TES: variants seen among roughly 807,000 people sequenced by gnomAD.
TES encodes the protein testin.
A neutral mutation model predicts 48.2 loss-of-function variants in TES; 41 were observed. That is an observed-to-expected ratio of 0.85 (90% CI 0.66 to 1.10). The LOEUF is 1.10. Ranked by LOEUF, TES falls within the 50% of genes least tolerant of loss-of-function variation. The pLI, the probability that TES is intolerant of heterozygous loss-of-function variation, is 0.00. For missense variants in TES, 463 were observed against 515.1 expected, an observed-to-expected ratio of 0.90 and a Z score of 0.98; for synonymous variants, 162 against 174.9, an observed-to-expected ratio of 0.93 and a Z score of 0.58.
chr7:116,257,202 A>G, intron 6 of TES, 92 bp from the exon 7 acceptor site: 1 of 1,354,712 alleles, frequency 7.4e-7, no homozygotes, highest in South Asian at 1.5e-5. Flanking sequence ...TATGAGTTTT[A>G]ATTTATCATC....
chr7:116,215,806 C>T (rs997292494), intron 1 of TES, among the ~76,000 whole-genome samples: 5 of 152,166 alleles, frequency 3.3e-5, no homozygotes, highest in Non-Finnish European at 7.3e-5. Context: ...TAGGCTAAAC[C>T]TCTTTTCCCT....
In TES at chr7:116,250,602, A is replaced by T. The variant is rs576947920; in HGVS notation, c.702+106A>T. On this transcript the variant is annotated intron_variant, in intron 4 of 6. Transcript: ENST00000358204. ...CTATTCCTCTGAGTTTCCAAAAGGG[A>T]ATAAGTATGGGGAATAAATAGGATT... 75 of 831,952 alleles carry T rather than the reference A, an allele frequency of 9.0e-5. 1 individual carries two copies. In the South Asian group the frequency reaches 2.2e-3, roughly 24 times the overall value. 51.5% of individuals were successfully genotyped at this position (831,952 alleles called of 1,614,324 possible).
At chr7:116,249,464 A>C in intron 3 of TES, 192 bp downstream of exon 3, 1 of 633,428 alleles carries the variant, frequency 1.6e-6, no homozygotes, top group African/African-American at 1.8e-5. Context: ...AATTTTTCCA[A>C]CTCCCTAGAT....
In TES at chr7:116,246,943, G is replaced by GC. The variant is rs756889374; in HGVS notation, c.114-2073dup. ...GTAAGTTCTAGAAATCAGAGACTAG[G>GC]CCCCTTTTTTTTTTTTTTTTTTTTA... On this transcript the variant is annotated intron_variant, in intron 2 of 6. Transcript: ENST00000358204. 4.5e-4 allele frequency among the ~76,000 whole-genome samples: 49 copies of GC among 109,642 alleles called. No homozygotes were observed. In the Middle Eastern group the frequency reaches 0.016, roughly 35 times the overall value. 71.9% of individuals were successfully genotyped at this position (109,642 alleles called of 152,430 possible).
intron 1 of TES, chr7:116,211,343 T>G (rs1229078584): frequency 1.3e-5 from 2 of 152,272 alleles, no homozygotes; most frequent in African/African-American, 4.8e-5. Context: ...CTTAGGGAAT[T>G]ATCTGTCAAA....
At chr7:116,242,684 T>C (rs1358733066) in intron 2 of TES, among the ~76,000 whole-genome samples, 2 of 152,216 alleles carry the variant, frequency 1.3e-5, no homozygotes, top group African/African-American at 4.8e-5. Context: ...GGTTTTTAGT[T>C]GTTTTTTCTG....
At chr7:116,242,519 CTCTCTCTCTCTCTCTCTCTGTCTCTG>C (rs879283561) in intron 2 of TES, among the ~76,000 whole-genome samples, 9 of 129,640 alleles carry the variant, frequency 6.9e-5, no homozygotes, top group East Asian at 2.7e-4. Context: ...CTCTCTCTCT[CTCTCTCTCTCTCTCTCTCTGTCTCTG>C]TCTCGGAATA....
intron 2 of TES, among the ~76,000 whole-genome samples, chr7:116,235,377 G>A (rs1046115007): frequency 2.6e-5 from 4 of 152,180 alleles, no homozygotes; most frequent in African/African-American, 9.7e-5. Flanking sequence ...AAATGAAGTT[G>A]AATTTAGATC....
chr7:116,223,337 G>A (rs1799580140), intron 1 of TES, among the ~76,000 whole-genome samples: 1 of 152,144 alleles, frequency 6.6e-6, no homozygotes, highest in Non-Finnish European at 1.5e-5. Context: ...TCACATGGAG[G>A]TACTGAAATT....
intron 2 of TES, 152 bp downstream of exon 2, chr7:116,234,771 G>A (rs892603930): frequency 4.9e-6 from 3 of 613,036 alleles, no homozygotes; most frequent in African/African-American, 3.7e-5. Context: ...CATAAAAAGT[G>A]TTCTGTCTTA....
intron 1 of TES, among the ~76,000 whole-genome samples, chr7:116,229,986 G>A (rs1484649207): frequency 6.6e-6 from 1 of 152,154 alleles, no homozygotes; most frequent in Non-Finnish European, 1.5e-5. Flanking sequence ...TGGTATCAAT[G>A]AGATTTAAGT....
intron 2 of TES, among the ~76,000 whole-genome samples, chr7:116,248,662 T>C (rs1371304301): frequency 1.3e-5 from 2 of 152,192 alleles, no homozygotes; most frequent in African/African-American, 2.4e-5. Context: ...TTGTTCCTTA[T>C]AGATTCTGAA....
intron 1 of TES, chr7:116,210,955 CGCGA>C (rs1231229562): frequency 2.9e-6 from 1 of 350,328 alleles, no homozygotes; most frequent in African/African-American, 2.1e-5. Flanking sequence ...GAATTGGAAG[CGCGA>C]GCGAGGGCGG....
At chr7:116,216,239 T>A (rs1799492480) in intron 1 of TES, among the ~76,000 whole-genome samples, 1 of 152,162 alleles carries the variant, frequency 6.6e-6, no homozygotes. Flanking sequence ...CTTTTTTACA[T>A]ACCAATCACT....
At position 116,227,275 on chromosome 7, in the gene TES, C is replaced by T. The variant is rs570480377; in HGVS notation, c.28-7259C>T. Among the ~76,000 whole-genome samples, 3 of 151,472 alleles carry T rather than the reference C, an allele frequency of 2.0e-5. No individual in the cohort carries two copies. The East Asian group carries it at 5.8e-4, about 29-fold the overall frequency. On this transcript the variant is annotated intron_variant, in intron 1 of 6. Coordinates refer to ENST00000358204, the MANE Select transcript of TES (RefSeq NM_015641.4). Reference sequence around the variant, plus strand: ...GGGATTACAGGCATCTATCACCGCGCCCGGCTATTTTTTGTATTTTTTTTT... The same window carrying T: ...GGGATTACAGGCATCTATCACCGCGTCCGGCTATTTTTTGTATTTTTTTTT...
chr7:116,218,079 G>A (rs2116573027), intron 1 of TES: 1 of 390,726 alleles, frequency 2.6e-6, no homozygotes, highest in Middle Eastern at 3.7e-4. Flanking sequence ...AAGTGGGAGA[G>A]CGTTATTAGA....
intron 1 of TES, among the ~76,000 whole-genome samples, chr7:116,227,252 G>GA (rs1799634886): frequency 6.6e-6 from 1 of 151,538 alleles, no homozygotes; most frequent in Non-Finnish European, 1.5e-5. Flanking sequence ...GAGTAGCTGG[G>GA]ATTACAGGCA....
chr7:116,236,722 A>G (rs938401472), intron 2 of TES, among the ~76,000 whole-genome samples: 5 of 152,180 alleles, frequency 3.3e-5, no homozygotes, highest in African/African-American at 9.7e-5. Flanking sequence ...TGTTATGTCT[A>G]TATTAATCAT....
At position 116,257,614 on chromosome 7, in the gene TES, T is replaced by C. The variant is rs1800121572; in HGVS notation, c.*132T>C. On this transcript the variant is annotated 3_prime_UTR_variant, in exon 7 of 7. Coordinates refer to ENST00000358204, the MANE Select transcript of TES (RefSeq NM_015641.4). ...GGAAACCAAGAGATTTTGTTTAATT[T>C]TTTTGGCCATTTTTTCTTCATCAAT... 1 of 910,868 alleles carries C rather than the reference T, an allele frequency of 1.1e-6. No homozygotes were observed. The highest frequency in any genetic ancestry group is 1.8e-5 in the African/African-American group (1 of 55,610). The allele number at this position is 910,868 out of a possible 1,614,324, so 56.4% of individuals were successfully genotyped here. A position where few individuals can be genotyped will look rare whatever the true frequency, so the allele number is the denominator to read the frequency against.
Sources: allele counts gnomAD v4.1 joint callset (sites outside exome capture counted in the v4.1 genomes callset), GRCh38; gene constraint gnomAD v4.1.1; transcripts MANE v1.5; gene names NCBI Gene and HGNC (gene_info 2026-07-23, HGNC 2026-07-21).